MEDAG: variants seen among roughly 807,000 people sequenced by gnomAD.
MEDAG encodes mesenteric estrogen dependent adipogenesis, also known as mesenteric estrogen-dependent adipogenesis protein.
Under a neutral mutation model 29.9 loss-of-function variants are expected in MEDAG, and 25 were observed. The observed-to-expected ratio is 0.84, with a 90% CI of 0.61 to 1.17. The LOEUF (loss-of-function observed/expected upper bound fraction) is 1.17. Ranked by LOEUF, MEDAG falls within the 50% of genes most tolerant of loss-of-function variation. The probability of loss-of-function intolerance (pLI) is 0.00; values close to 1 mark genes in which losing one functional copy is unlikely to be tolerated. For synonymous variants in MEDAG, 158 were observed against 148.2 expected (o/e 1.07, Z -0.48); for missense variants, 398 against 372.9 (o/e 1.07, Z -0.56).
rs200213117 is a variant in MEDAG, at chr13:30,917,454, A to G, written c.330A>G (p.Ile110Met). The G allele has an allele frequency of 2.5e-6, 4 of 1,612,352 alleles. No individual in the cohort carries two copies. Among genetic ancestry groups the G allele is most frequent in the Non-Finnish European group, 3.4e-6 (4 of 1,178,352 alleles). Residue 110 changes from isoleucine (I) to methionine (M), a missense_variant, in exon 2 of 5, where the codon ATA becomes ATG. Ile to Met is a conservative substitution (Grantham distance 10). Coordinates refer to ENST00000380482, the MANE Select transcript of MEDAG (RefSeq NM_032849.4). Reference protein sequence around the residue: ...YCDYKDYRETILSKPMLFFIN... With the variant: ...YCDYKDYRETMLSKPMLFFIN... ...ATTATAAAGACTACAGGGAAACTAT[A>G]TTGAGCAAACCAATGTTGTTCTTTA... is the stretch of plus-strand genomic sequence containing the variant.
At chr13:30,908,293 A>G (rs181116639) in intron 1 of MEDAG, among the ~76,000 whole-genome samples, 47 of 152,374 alleles carry the variant, frequency 3.1e-4, no homozygotes, top group Admixed American at 2.2e-3. Context: ...AACACAGACC[A>G]GGGTGCAAAT....
chr13:30,914,130 A>C (rs1263579044), intron 1 of MEDAG, among the ~76,000 whole-genome samples: 1 of 152,234 alleles, frequency 6.6e-6, no homozygotes, highest in Non-Finnish European at 1.5e-5. Flanking sequence ...AACTAAAACC[A>C]GTGATTACAT....
chr13:30,912,077 T>C (rs1451641331), intron 1 of MEDAG, among the ~76,000 whole-genome samples: 4 of 152,230 alleles, frequency 2.6e-5, no homozygotes. Context: ...CAGTAATCGT[T>C]CCTTCCATGC....
chr13:30,923,998 C>T (rs952944203), intron 4 of MEDAG, among the ~76,000 whole-genome samples: 1 of 148,382 alleles, frequency 6.7e-6, no homozygotes, highest in Non-Finnish European at 1.5e-5. Context: ...CTAACCTGGG[C>T]CCATTCCCTG....
chr13:30,914,196 G>A (rs758573163), intron 1 of MEDAG, among the ~76,000 whole-genome samples: 4 of 152,206 alleles, frequency 2.6e-5, no homozygotes, highest in Non-Finnish European at 5.9e-5. Context: ...ATCTTATCGT[G>A]TTTTAGTGAA....
chr13:30,915,201 C>G (rs9576224), intron 1 of MEDAG, among the ~76,000 whole-genome samples: 84,665 of 151,980 alleles, frequency 0.56, 26,866 homozygotes, highest in South Asian at 0.73. Context: ...TTCTCTTCAC[C>G]CCCTTCCCAA....
intron 1 of MEDAG, among the ~76,000 whole-genome samples, chr13:30,914,903 A>G (rs922337674): frequency 3.3e-5 from 5 of 152,220 alleles, no homozygotes; most frequent in African/African-American, 1.2e-4. Context: ...AAGAATGACA[A>G]TCAGACTCCA....
chr13:30,912,385 T>A (rs1348409741), intron 1 of MEDAG, among the ~76,000 whole-genome samples: 10 of 152,158 alleles, frequency 6.6e-5, no homozygotes, highest in African/African-American at 1.9e-4. Context: ...TCTGCAAGCT[T>A]TTGCTTAGTG....
chr13:30,906,694 C>A lies in MEDAG; in HGVS notation c.179C>A (p.Pro60His). 1 of 1,526,902 alleles carries A rather than the reference C, an allele frequency of 6.5e-7. No homozygotes were observed. Among genetic ancestry groups the A allele is most frequent in the Non-Finnish European group, 8.7e-7 (1 of 1,146,062 alleles). 94.6% of individuals were successfully genotyped at this position (1,526,902 alleles called of 1,614,324 possible). Reference sequence around the variant, plus strand: ...GGCGACCAGCTCGTGGTGGCCAGGCCCGGGGAGCCGGCGGCGGCGCGGGGG... The same window carrying A: ...GGCGACCAGCTCGTGGTGGCCAGGCACGGGGAGCCGGCGGCGGCGCGGGGG... The part of the protein sequence containing the change: ...LSGDQLVVAR[P>H]GEPAAARGGF... Residue 60 changes from proline to histidine, a missense_variant, in exon 1 of 5, where the codon CCC becomes CAC. By Grantham distance (77) the Pro-to-His change is moderately conservative. Coordinates refer to ENST00000380482, the MANE Select transcript of MEDAG (RefSeq NM_032849.4).
chr13:30,908,963 A>C (rs1462346689), intron 1 of MEDAG: 1 of 151,650 alleles, frequency 6.6e-6, no homozygotes, highest in East Asian at 2.0e-4. Context: ...TGTCTACAAA[A>C]ATTAGCTGGG....
At chr13:30,908,122 C>T (rs1019334953) in intron 1 of MEDAG, among the ~76,000 whole-genome samples, 1 of 152,206 alleles carries the variant, frequency 6.6e-6, no homozygotes, top group Non-Finnish European at 1.5e-5. Flanking sequence ...AGAACCAGTT[C>T]TCCTAATTGT....
In MEDAG at chr13:30,917,517, G is replaced by A. The variant is rs887091902; in HGVS notation, c.388+5G>A. ...CCAAAAAAGACACCTCAAAAGGTAA[G>A]TATCTATATTAGTCCATTTTCACAC... On this transcript the variant is annotated splice_donor_5th_base_variant and intron_variant, in intron 2 of 4. Transcript: ENST00000380482. The A allele has an allele frequency of 1.4e-6, 2 of 1,463,186 alleles. No homozygotes were observed. Among genetic ancestry groups the A allele is most frequent in the Non-Finnish European group, 1.9e-6 (2 of 1,044,072 alleles). 90.6% of individuals were successfully genotyped at this position (1,463,186 alleles called of 1,614,324 possible).
chr13:30,923,313 C>T (rs1249771869), intron 4 of MEDAG, among the ~76,000 whole-genome samples: 1 of 151,458 alleles, frequency 6.6e-6, no homozygotes, highest in East Asian at 1.9e-4. Context: ...TCTTTTCCTC[C>T]CTCCTTCCCT....
At chr13:30,918,189 T>C (rs970034547) in intron 2 of MEDAG, among the ~76,000 whole-genome samples, 4 of 152,170 alleles carry the variant, frequency 2.6e-5, no homozygotes, top group African/African-American at 7.2e-5. Context: ...GAGGATGATA[T>C]ATAACATGCT....
intron 1 of MEDAG, among the ~76,000 whole-genome samples, chr13:30,908,237 G>A (rs570351624): frequency 6.6e-6 from 1 of 152,296 alleles, no homozygotes; most frequent in South Asian, 2.1e-4. Context: ...TGATTCCCCT[G>A]ACAGCTTTGA....
At position 30,921,136 on chromosome 13, in the gene MEDAG, G is replaced by A. The variant is rs753695053; in HGVS notation, c.501+10G>A. The A allele has an allele frequency of 4.4e-6, 7 of 1,606,876 alleles. No homozygotes were observed. The East Asian group carries it at 1.6e-4, about 36-fold the overall frequency. On this transcript the variant is annotated intron_variant, in intron 3 of 4. Coordinates refer to ENST00000380482, the MANE Select transcript of MEDAG (RefSeq NM_032849.4). ...AAGTTACCGGCTTCAGGTAAGCCTAGCCTGTCTGAATCCAGGGCTGTCAAC... is the reference window on the plus strand; with the variant it reads ...AAGTTACCGGCTTCAGGTAAGCCTAACCTGTCTGAATCCAGGGCTGTCAAC...
At chr13:30,923,030 C>T (rs1051299937) in intron 4 of MEDAG, among the ~76,000 whole-genome samples, 2 of 152,178 alleles carry the variant, frequency 1.3e-5, no homozygotes, top group African/African-American at 2.4e-5. Context: ...AAACAATTCT[C>T]GTGTCTCAGC....
chr13:30,919,956 T>C (rs766319974), intron 2 of MEDAG, among the ~76,000 whole-genome samples: 4 of 152,186 alleles, frequency 2.6e-5, no homozygotes, highest in African/African-American at 7.2e-5. Flanking sequence ...GAATTGAACA[T>C]GAGGGGTTAC....
At chr13:30,917,347 T>A in intron 1 of MEDAG, 56 bp from the exon 2 acceptor site, 1 of 1,067,580 alleles carries the variant, frequency 9.4e-7, no homozygotes. Context: ...TACATCCCCT[T>A]CCTAATTTAG....
Sources: allele counts gnomAD v4.1 joint callset (sites outside exome capture counted in the v4.1 genomes callset), GRCh38; gene constraint gnomAD v4.1.1; transcripts MANE v1.5; gene names NCBI Gene and HGNC (gene_info 2026-07-23, HGNC 2026-07-21).